The following EYS variants were observed in gnomAD, a reference collection of about 807,000 sequenced individuals.
EYS encodes the protein protein eyes shut homolog.
A neutral mutation model predicts 282.1 loss-of-function variants in EYS; 250 were observed. The observed-to-expected ratio is 0.89, with a 90% CI of 0.80 to 0.98. The LOEUF (loss-of-function observed/expected upper bound fraction) is 0.98, where lower values mean the gene tolerates loss of function less well. EYS is among the 50% of genes least tolerant of loss of function. The pLI is 0.00. For synonymous variants in EYS, 1,355 were observed against 1,282.9 expected (o/e 1.06, Z -1.20); for missense variants, 4,016 against 3,709.0 (o/e 1.08, Z -2.15).
chr6:65,387,151 A>G lies in EYS; in HGVS notation c.1185-2651T>C, dbSNP rs186898963. The stretch of plus-strand genomic sequence containing the variant: ...GTTTCCTTTTGCCAATAAAGCCAAC[A>G]TTCATTAGTTAATTAGCTTTATTTC... On this transcript the variant is annotated intron_variant, in intron 7 of 42. Coordinates refer to ENST00000503581, the MANE Select transcript of EYS (RefSeq NM_001142800.2). Among the ~76,000 whole-genome samples, 4 of 152,134 alleles carry G rather than the reference A, an allele frequency of 2.6e-5. No homozygotes were observed. In the East Asian group the frequency reaches 5.8e-4, roughly 22 times the overall value.
At chr6:64,228,997 T>C (rs910556400) in intron 31 of EYS, among the ~76,000 whole-genome samples, 5 of 152,022 alleles carry the variant, frequency 3.3e-5, no homozygotes, top group African/African-American at 7.2e-5. Flanking sequence ...AATAGGCCAG[T>C]CACAGTGACT....
chr6:63,878,688 C>G (rs2149717031), intron 35 of EYS, among the ~76,000 whole-genome samples: 1 of 152,320 alleles, frequency 6.6e-6, no homozygotes, highest in South Asian at 2.1e-4. Flanking sequence ...AGACGCCCCT[C>G]CCCCACCCTT....
chr6:64,230,069 T>C (rs1317889607), intron 31 of EYS, among the ~76,000 whole-genome samples: 1 of 152,218 alleles, frequency 6.6e-6, no homozygotes. Context: ...CTTAGGAGGC[T>C]ATTAGATGTT....
chr6:64,299,134 T>C (rs1769139602), intron 30 of EYS, among the ~76,000 whole-genome samples: 1 of 152,194 alleles, frequency 6.6e-6, no homozygotes, highest in South Asian at 2.1e-4. Context: ...CCTGAGTTAA[T>C]AGCTTAAAGT....
intron 36 of EYS, among the ~76,000 whole-genome samples, chr6:63,813,852 G>A (rs1174612804): frequency 6.6e-6 from 1 of 152,168 alleles, no homozygotes; most frequent in Non-Finnish European, 1.5e-5. Flanking sequence ...CAGAATGCCA[G>A]TTTTCCAACC....
chr6:64,111,697 T>C (rs1773210938), intron 31 of EYS, among the ~76,000 whole-genome samples: 2 of 152,056 alleles, frequency 1.3e-5, no homozygotes, highest in African/African-American at 4.8e-5. Flanking sequence ...GTAGTACCAA[T>C]CTTCCCAGCT....
At chr6:63,735,945 T>C (rs1340565736) in intron 41 of EYS, among the ~76,000 whole-genome samples, 1 of 152,166 alleles carries the variant, frequency 6.6e-6, no homozygotes, top group Non-Finnish European at 1.5e-5. Flanking sequence ...ATGTAATCTT[T>C]GTAGAAATGA....
chr6:64,036,444 G>A (rs950536106), intron 33 of EYS, among the ~76,000 whole-genome samples: 7 of 152,176 alleles, frequency 4.6e-5, no homozygotes, highest in African/African-American at 1.7e-4. Flanking sequence ...AGACATTAGT[G>A]ACATTAATCT....
At chr6:65,359,437 T>C (rs1429585965) in intron 8 of EYS, among the ~76,000 whole-genome samples, 1 of 152,122 alleles carries the variant, frequency 6.6e-6, no homozygotes, top group African/African-American at 2.4e-5. Flanking sequence ...TGAAGAGGAT[T>C]TTAAAACAAC....
chr6:64,595,857 A>T (rs1432823889), intron 24 of EYS, among the ~76,000 whole-genome samples: 1 of 152,188 alleles, frequency 6.6e-6, no homozygotes, highest in Non-Finnish European at 1.5e-5. Flanking sequence ...TGACTGTATT[A>T]AACCATTCTG....
chr6:65,430,664 G>A (rs1242603502), intron 5 of EYS, among the ~76,000 whole-genome samples: 3 of 152,274 alleles, frequency 2.0e-5, no homozygotes, highest in East Asian at 3.9e-4. Flanking sequence ...AGAGTGGGGA[G>A]GACTTTATCT....
intron 31 of EYS, among the ~76,000 whole-genome samples, chr6:64,095,781 AT>A (rs1416431870): frequency 6.6e-6 from 1 of 152,162 alleles, no homozygotes; most frequent in Non-Finnish European, 1.5e-5. Context: ...TTGTGTGTGA[AT>A]TTGATCCTGT....
intron 11 of EYS, among the ~76,000 whole-genome samples, chr6:65,324,515 C>T (rs554906106): frequency 1.3e-5 from 2 of 152,316 alleles, no homozygotes; most frequent in East Asian, 1.9e-4. Flanking sequence ...CAACCCTCTT[C>T]GCTTGCCTTG....
At chr6:65,340,889 G>T (rs1195240216) in intron 10 of EYS, among the ~76,000 whole-genome samples, 3 of 151,048 alleles carry the variant, frequency 2.0e-5, no homozygotes, top group Non-Finnish European at 4.5e-5. Flanking sequence ...AGGCTGGATA[G>T]CAACCAATGC....
intron 22 of EYS, among the ~76,000 whole-genome samples, chr6:64,643,054 G>A (rs1374736888): frequency 6.6e-6 from 1 of 151,718 alleles, no homozygotes; most frequent in East Asian, 2.0e-4. Flanking sequence ...GGCAGAGATT[G>A]TGGTGAGCCG....
chr6:65,182,683 A>T (rs545804877), intron 12 of EYS, among the ~76,000 whole-genome samples: 1 of 151,854 alleles, frequency 6.6e-6, no homozygotes, highest in Non-Finnish European at 1.5e-5. Flanking sequence ...TAGATATATA[A>T]TTTTTTATAG....
chr6:63,997,216 T>C (rs1273499690), intron 34 of EYS, among the ~76,000 whole-genome samples: 1 of 152,142 alleles, frequency 6.6e-6, no homozygotes, highest in Non-Finnish European at 1.5e-5. Flanking sequence ...GAAAAGGCAG[T>C]AGAAAACATG....
At chr6:64,257,875 C>T (rs1363785648) in intron 30 of EYS, among the ~76,000 whole-genome samples, 6 of 151,956 alleles carry the variant, frequency 3.9e-5, no homozygotes, top group Non-Finnish European at 7.4e-5. Context: ...ACTACAGGTA[C>T]ATTCCCAAGA....
intron 35 of EYS, among the ~76,000 whole-genome samples, chr6:63,910,624 T>C (rs1469288226): frequency 1.3e-5 from 2 of 152,190 alleles, no homozygotes; most frequent in Non-Finnish European, 2.9e-5. Context: ...CTAATTGTAC[T>C]TACCATACAG....
Sources: gnomAD v4.1 joint callset for allele counts (sites outside exome capture counted in the v4.1 genomes callset) on GRCh38, gnomAD v4.1.1 for gene constraint, MANE v1.5 for transcripts, NCBI Gene and HGNC (gene_info 2026-07-23, HGNC 2026-07-21) for gene names.